Variants in PLXNA4 observed in about 807,000 individuals in gnomAD.
PLXNA4 encodes plexin A4.
A neutral mutation model predicts 191.8 loss-of-function variants in PLXNA4; 44 were observed. The ratio of observed to expected loss-of-function variants is 0.23; its 90% CI spans 0.18 to 0.29. The LOEUF is 0.29. Ranked by LOEUF, PLXNA4 falls within the 10% of genes least tolerant of loss-of-function variation. The probability of loss-of-function intolerance (pLI) is 1.00; values close to 1 mark genes in which losing one functional copy is unlikely to be tolerated. For missense variants in PLXNA4, 1,800 were observed against 2,488.8 expected (o/e 0.72, Z 5.89); for synonymous variants, 1,082 against 1,009.5 (o/e 1.07, Z -1.36).
chr7:132,571,131 C>T (rs539226412), intron 1 of PLXNA4, among the ~76,000 whole-genome samples: 1 of 152,250 alleles, frequency 6.6e-6, no homozygotes, highest in African/African-American at 2.4e-5. Context: ...AAGTGCCTCA[C>T]TTGTGGCTTT....
chr7:132,306,458 C>A (rs1801526779), intron 3 of PLXNA4, among the ~76,000 whole-genome samples: 1 of 152,170 alleles, frequency 6.6e-6, no homozygotes, highest in Non-Finnish European at 1.5e-5. Context: ...GAGTGACCAG[C>A]CGTATCTCTG....
At chr7:132,140,282 G>T (rs1795229843) in intron 30 of PLXNA4, among the ~76,000 whole-genome samples, 1 of 152,140 alleles carries the variant, frequency 6.6e-6, no homozygotes, top group African/African-American at 2.4e-5. Flanking sequence ...ATTTTTTGGG[G>T]GGTGGGTGGT....
chr7:132,621,613 A>G (rs146383661), intron 2 of PLXNA4, among the ~76,000 whole-genome samples: 64 of 152,232 alleles, frequency 4.2e-4, no homozygotes, highest in African/African-American at 1.3e-3. Context: ...GGCCCACCAT[A>G]TACATGGGCA....
rs1255153439 is a variant in PLXNA4, at chr7:132,265,064, G to A, written c.1504-23898C>T. Among the ~76,000 whole-genome samples the A allele has an allele frequency of 2.0e-5, 3 of 152,156 alleles. 1 individual carries two copies. In the South Asian group the frequency reaches 6.2e-4, roughly 31 times the overall value. The stretch of plus-strand genomic sequence containing the variant: ...TAGATAAAATCAGCTTTTAAACAAC[G>A]ACAAATGCAACAAGCAATGGCAGGC... On this transcript the variant is annotated intron_variant, in intron 4 of 31. Transcript: ENST00000321063.
intron 3 of PLXNA4, among the ~76,000 whole-genome samples, chr7:132,444,558 G>C (rs571274495): frequency 1.3e-5 from 2 of 152,216 alleles, no homozygotes; most frequent in Non-Finnish European, 2.9e-5. Flanking sequence ...TGACAAAGAG[G>C]ACCCAGTTCT....
At chr7:132,526,162 A>G (rs899156990) in intron 1 of PLXNA4, among the ~76,000 whole-genome samples, 1 of 152,216 alleles carries the variant, frequency 6.6e-6, no homozygotes, top group Non-Finnish European at 1.5e-5. Context: ...AAGATTTAGT[A>G]CTGGAAGGAA....
At chr7:132,347,414 C>T (rs150535010) in intron 3 of PLXNA4, among the ~76,000 whole-genome samples, 8 of 152,282 alleles carry the variant, frequency 5.3e-5, no homozygotes, top group African/African-American at 1.9e-4. Context: ...TGGATTCCCA[C>T]AAGGGCGAGC....
intron 3 of PLXNA4, among the ~76,000 whole-genome samples, chr7:132,394,306 G>A (rs1793657071): frequency 6.6e-6 from 1 of 152,078 alleles, no homozygotes; most frequent in Non-Finnish European, 1.5e-5. Context: ...CCAGTCCCTA[G>A]GAGGGTCCCT....
At chr7:132,188,171 G>C (rs565352051) in intron 14 of PLXNA4, among the ~76,000 whole-genome samples, 3 of 152,264 alleles carry the variant, frequency 2.0e-5, no homozygotes, top group East Asian at 3.9e-4. Context: ...TGGGAAGTGA[G>C]AGCCCCAGGG....
intron 3 of PLXNA4, among the ~76,000 whole-genome samples, chr7:132,321,128 A>AC (rs147356145): frequency 6.9e-4 from 105 of 151,724 alleles, no homozygotes; most frequent in African/African-American, 2.5e-3. Context: ...GCCTCTCCTC[A>AC]CCTGGCTCTC....
At chr7:132,140,342 T>G (rs1450271019) in intron 30 of PLXNA4, among the ~76,000 whole-genome samples, 1 of 152,174 alleles carries the variant, frequency 6.6e-6, no homozygotes, top group East Asian at 1.9e-4. Flanking sequence ...AGAAGACATT[T>G]CAGCCACTAG....
intron 3 of PLXNA4, among the ~76,000 whole-genome samples, chr7:132,356,821 A>C (rs1366491161): frequency 6.6e-6 from 1 of 152,240 alleles, no homozygotes; most frequent in Non-Finnish European, 1.5e-5. Flanking sequence ...GGACTTCGTA[A>C]GAGCTATTCC....
intron 3 of PLXNA4, among the ~76,000 whole-genome samples, chr7:132,305,577 C>G (rs533488469): frequency 3.3e-5 from 5 of 152,214 alleles, no homozygotes; most frequent in Non-Finnish European, 7.3e-5. Context: ...CACTGCCAGA[C>G]AGACTGCTAT....
chr7:132,172,159 C>G (rs550321911), intron 21 of PLXNA4, among the ~76,000 whole-genome samples: 3 of 152,358 alleles, frequency 2.0e-5, no homozygotes, highest in South Asian at 4.1e-4. Context: ...GCAAATGCTA[C>G]TCTGAAACAA....
chr7:132,159,759 A>G (rs751342842), intron 24 of PLXNA4, 127 bp from the exon 25 acceptor site: 5 of 1,479,216 alleles, frequency 3.4e-6, no homozygotes, highest in Non-Finnish European at 4.5e-6. Context: ...AGGGAGGAGT[A>G]GGGTGGCTCC....
At chr7:132,474,548 G>A (rs1272183157) in intron 3 of PLXNA4, among the ~76,000 whole-genome samples, 1 of 151,914 alleles carries the variant, frequency 6.6e-6, no homozygotes, top group Non-Finnish European at 1.5e-5. Context: ...AGCCAAGGGT[G>A]GCTCTGATGA....
At chr7:132,602,246 T>C (rs1377117961) in intron 2 of PLXNA4, among the ~76,000 whole-genome samples, 1 of 152,204 alleles carries the variant, frequency 6.6e-6, no homozygotes, top group East Asian at 1.9e-4. Flanking sequence ...CCACCCTTTG[T>C]GGCTAATGAG....
intron 3 of PLXNA4, among the ~76,000 whole-genome samples, chr7:132,408,132 A>G (rs1794299222): frequency 6.6e-6 from 1 of 152,160 alleles, no homozygotes; most frequent in African/African-American, 2.4e-5. Flanking sequence ...ACAGTAGGAG[A>G]GTGGGTAAGT....
chr7:132,461,184 G>T (rs999959402), intron 3 of PLXNA4, among the ~76,000 whole-genome samples: 2 of 152,138 alleles, frequency 1.3e-5, no homozygotes, highest in Admixed American at 6.5e-5. Flanking sequence ...CATGGTCTCT[G>T]TACAACAAGG....
Sources: allele counts gnomAD v4.1 joint callset (sites outside exome capture counted in the v4.1 genomes callset), GRCh38; gene constraint gnomAD v4.1.1; transcripts MANE v1.5; gene names NCBI Gene and HGNC (gene_info 2026-07-23, HGNC 2026-07-21).